The following RAD51B variants were observed in gnomAD, a reference collection of about 807,000 sequenced individuals.
The protein encoded by RAD51B is RAD51 paralog B, also known as DNA repair protein RAD51 homolog 2.
Under a neutral mutation model 42.2 loss-of-function variants are expected in RAD51B, and 38 were observed. The ratio of observed to expected loss-of-function variants is 0.90; its 90% confidence interval spans 0.70 to 1.18. The LOEUF (loss-of-function observed/expected upper bound fraction) is 1.18. Among genes scored for constraint, RAD51B ranks in the 50% most tolerant of loss-of-function variants. The probability of loss-of-function intolerance (pLI) is 0.00; values close to 1 mark genes in which losing one functional copy is unlikely to be tolerated. For synonymous variants in RAD51B, 154 were observed against 145.2 expected (o/e 1.06, Z -0.43); for missense variants, 373 against 400.7 (o/e 0.93, Z 0.59).
chr14:68,215,057 C>A (rs2079785342), intron 7 of RAD51B, among the ~76,000 whole-genome samples: 1 of 152,190 alleles, frequency 6.6e-6, no homozygotes, highest in African/African-American at 2.4e-5. Flanking sequence ...TTTCAAAAAA[C>A]TTGAAGAAGA....
In RAD51B at chr14:68,477,766, A is replaced by C; in HGVS notation, c.*102A>C. 1 of 1,565,178 alleles carries C rather than the reference A, an allele frequency of 6.4e-7. No individual in the cohort carries two copies. The highest frequency in any genetic ancestry group is 8.6e-7 in the Non-Finnish European group (1 of 1,162,008). ...GGAAACGGAAGCTGACATAATGGGG[A>C]TTAATTAGTTGATTGCTGTTGAGAT... On this transcript the variant is annotated 3_prime_UTR_variant, in exon 11 of 11. Transcript: ENST00000471583.
rs545874199 is a variant in RAD51B at position 68,567,081 on chromosome 14, C to T, written c.1037-27404C>T. ...TTGGAAGGCCGAGGCGGGTGGATCA[C>T]GAGGTCAGGAGTTCCAGACCAGCCT... On this transcript the variant is annotated intron_variant, in intron 10 of 10. Transcript: ENST00000487270. 3.4e-3 allele frequency among the ~76,000 whole-genome samples: 514 copies of T among 152,202 alleles called. 2 individuals are homozygous for T. Among genetic ancestry groups the T allele is most frequent in the South Asian group, 0.016 (75 of 4,824 alleles).
At chr14:67,934,345 G>A (rs2044855979) in intron 7 of RAD51B, among the ~76,000 whole-genome samples, 1 of 152,118 alleles carries the variant, frequency 6.6e-6, no homozygotes, top group Admixed American at 6.5e-5. Flanking sequence ...GAAAGAAGTG[G>A]GAGGGCAAGA....
At chr14:68,051,837 A>G (rs977179264) in intron 7 of RAD51B, among the ~76,000 whole-genome samples, 3 of 151,794 alleles carry the variant, frequency 2.0e-5, no homozygotes, top group Non-Finnish European at 4.4e-5. Flanking sequence ...TCCTGGCCTC[A>G]AGCGATTCTC....
At position 68,188,188 on chromosome 14, in the gene RAD51B, C is replaced by T. The variant is rs140589476; in HGVS notation, c.757-103696C>T. Among the ~76,000 whole-genome samples, 842 of 151,918 alleles carry T rather than the reference C, an allele frequency of 5.5e-3. 3 individuals carry two copies. The highest frequency in any genetic ancestry group is 7.8e-3 in the Non-Finnish European group (527 of 67,956). On this transcript the variant is annotated intron_variant, in intron 7 of 10. Transcript: ENST00000471583. ...CATATTCTTTCAGAGTCATTTAGTCCGTGATTTCAGTGGTACATGTCTTAC... is the reference window on the plus strand; with the variant it reads ...CATATTCTTTCAGAGTCATTTAGTCTGTGATTTCAGTGGTACATGTCTTAC...
intron 10 of RAD51B, among the ~76,000 whole-genome samples, chr14:68,593,356 C>T (rs1473179530): frequency 2.0e-5 from 3 of 152,200 alleles, no homozygotes; most frequent in African/African-American, 7.2e-5. Flanking sequence ...CCATGATGGG[C>T]TCTCTGGTGG....
chr14:68,552,249 G>T (rs1025990904), intron 10 of RAD51B, among the ~76,000 whole-genome samples: 1 of 152,140 alleles, frequency 6.6e-6, no homozygotes, highest in African/African-American at 2.4e-5. Context: ...TGCGTCTTCC[G>T]CACTGTACTG....
At chr14:68,648,363 G>A (rs1892628450) in intron 10 of RAD51B, among the ~76,000 whole-genome samples, 1 of 147,328 alleles carries the variant, frequency 6.8e-6, no homozygotes, top group Non-Finnish European at 1.5e-5. Context: ...GTAAGAGGAA[G>A]AGATTAGAAT....
chr14:68,063,974 C>A (rs2140448245), intron 7 of RAD51B, among the ~76,000 whole-genome samples: 1 of 152,098 alleles, frequency 6.6e-6, no homozygotes, highest in South Asian at 2.1e-4. Flanking sequence ...GTTTATCTTG[C>A]AGTTTGGTGG....
At chr14:68,224,367 C>T (rs781685051) in intron 7 of RAD51B, among the ~76,000 whole-genome samples, 2 of 152,114 alleles carry the variant, frequency 1.3e-5, no homozygotes, top group Non-Finnish European at 2.9e-5. Context: ...TTGCCAATGG[C>T]CCATTAGCTG....
chr14:68,181,572 C>T (rs376021399), intron 7 of RAD51B, among the ~76,000 whole-genome samples: 6 of 152,224 alleles, frequency 3.9e-5, no homozygotes, highest in East Asian at 1.9e-4. Context: ...AGCCTGCCCC[C>T]TCCAGTAGTG....
chr14:68,248,957 G>C (rs1369889931), intron 7 of RAD51B, among the ~76,000 whole-genome samples: 1 of 152,252 alleles, frequency 6.6e-6, no homozygotes, highest in Non-Finnish European at 1.5e-5. Context: ...GGGTCTGGGG[G>C]TAAGGCACCT....
intron 7 of RAD51B, among the ~76,000 whole-genome samples, chr14:67,935,891 A>C (rs7159527): frequency 6.6e-6 from 1 of 152,164 alleles, no homozygotes; most frequent in Non-Finnish European, 1.5e-5. Flanking sequence ...GGATTTCACT[A>C]TGGCGGAATT....
intron 7 of RAD51B, among the ~76,000 whole-genome samples, chr14:68,186,943 A>G (rs2079170081): frequency 6.6e-6 from 1 of 152,232 alleles, no homozygotes; most frequent in Non-Finnish European, 1.5e-5. Context: ...ACTATTCACG[A>G]TAGCAAAGAC....
intron 8 of RAD51B, among the ~76,000 whole-genome samples, chr14:68,320,081 C>T (rs990016411): frequency 3.3e-5 from 5 of 152,180 alleles, no homozygotes; most frequent in Admixed American, 6.5e-5. Flanking sequence ...GCATGTGATG[C>T]CCTTAGATTC....
chr14:68,186,215 A>G, intron 7 of RAD51B, among the ~76,000 whole-genome samples: 1 of 152,250 alleles, frequency 6.6e-6, no homozygotes, highest in East Asian at 1.9e-4. Flanking sequence ...AATTGACTCA[A>G]GATGGATTAA....
chr14:68,638,734 G>A (rs117712370), intron 10 of RAD51B, among the ~76,000 whole-genome samples: 97 of 152,254 alleles, frequency 6.4e-4, no homozygotes, highest in Non-Finnish European at 1.1e-3. Flanking sequence ...CTGCAGTGCA[G>A]CGCAACTGAT....
chr14:68,644,506 G>T (rs1892526619), intron 10 of RAD51B, among the ~76,000 whole-genome samples: 1 of 152,232 alleles, frequency 6.6e-6, no homozygotes, highest in South Asian at 2.1e-4. Context: ...TCAAAGGCCT[G>T]AATGCCTTCC....
intron 7 of RAD51B, among the ~76,000 whole-genome samples, chr14:68,152,141 G>A (rs1342609586): frequency 6.6e-6 from 1 of 152,112 alleles, no homozygotes; most frequent in Non-Finnish European, 1.5e-5. Flanking sequence ...ACCATGCCCA[G>A]CCATAAAGAC....
Sources: allele counts gnomAD v4.1 joint callset (sites outside exome capture counted in the v4.1 genomes callset), GRCh38; gene constraint gnomAD v4.1.1; transcripts MANE v1.5; gene names NCBI Gene and HGNC (gene_info 2026-07-23, HGNC 2026-07-21).